CIB2: variants seen among roughly 807,000 people sequenced by gnomAD.
CIB2 encodes the protein calcium and integrin-binding family member 2.
CIB2 carries 19 observed loss-of-function variants against 23.1 expected under a neutral mutation model. The ratio of observed to expected loss-of-function variants is 0.82; its 90% CI spans 0.57 to 1.21. The LOEUF (loss-of-function observed/expected upper bound fraction) is 1.21, where lower values mean the gene tolerates loss of function less well. Ranked by LOEUF, CIB2 falls within the 50% of genes most tolerant of loss-of-function variation. CIB2 has a pLI of 0.00. For missense variants in CIB2, 220 were observed against 241.5 expected (o/e 0.91, Z 0.59); for synonymous variants, 94 against 91.7 (o/e 1.03, Z -0.14).
At chr15:78,109,159 G>T in intron 4 of CIB2, 76 bp downstream of exon 4, 1 of 1,513,840 alleles carries the variant, frequency 6.6e-7, no homozygotes, top group Non-Finnish European at 9.0e-7. Flanking sequence ...GCAGGAGCCA[G>T]TAGTAACCAG....
chr15:78,114,371 T>C (rs2074207466), intron 2 of CIB2, among the ~76,000 whole-genome samples: 1 of 152,142 alleles, frequency 6.6e-6, no homozygotes, highest in African/African-American at 2.4e-5. Flanking sequence ...TGAAAGAAAC[T>C]CTAAGCATTG....
intron 2 of CIB2, among the ~76,000 whole-genome samples, chr15:78,120,047 C>T (rs182882030): frequency 1.3e-5 from 2 of 151,954 alleles, no homozygotes; most frequent in Non-Finnish European, 2.9e-5. Flanking sequence ...ACTACAGGCA[C>T]ACACCACCAG....
chr15:78,123,391 CAAATGGGGAT>C (rs557333307), intron 2 of CIB2, among the ~76,000 whole-genome samples: 362 of 152,258 alleles, frequency 2.4e-3, no homozygotes, highest in African/African-American at 7.8e-3. Context: ...CTCCATCTGT[CAAATGGGGAT>C]AAATGGATTC....
rs150456070 is a variant in CIB2 at position 78,114,985 on chromosome 15, T to C, written c.87-3709A>G. On this transcript the variant is annotated intron_variant, in intron 2 of 5. Transcript: ENST00000258930. Reference sequence around the variant, plus strand: ...TTAAAAGAATAATATGTTAGGATCATGTAGGATTTATTCCAGAATGCAAAG... The same window carrying C: ...TTAAAAGAATAATATGTTAGGATCACGTAGGATTTATTCCAGAATGCAAAG... Among the ~76,000 whole-genome samples the C allele has an allele frequency of 9.0e-3, 1,364 of 152,188 alleles. 20 individuals carry two copies. The highest frequency in any genetic ancestry group is 0.011 in the Non-Finnish European group (768 of 68,016).
intron 2 of CIB2, among the ~76,000 whole-genome samples, chr15:78,122,491 G>A (rs1431538809): frequency 1.3e-5 from 2 of 152,214 alleles, no homozygotes; most frequent in African/African-American, 4.8e-5. Context: ...AGGGGTGACA[G>A]CTTTGTTATT....
chr15:78,129,942 C>T (rs745603431), intron 1 of CIB2, among the ~76,000 whole-genome samples: 55 of 152,202 alleles, frequency 3.6e-4, no homozygotes, highest in Non-Finnish European at 7.1e-4. Flanking sequence ...ATAAATGCGT[C>T]TCCCCTCTTC....
chr15:78,111,825 C>T (rs1442623487), intron 2 of CIB2, among the ~76,000 whole-genome samples: 1 of 152,184 alleles, frequency 6.6e-6, no homozygotes, highest in African/African-American at 2.4e-5. Flanking sequence ...GCCACTCTTC[C>T]CCCTTACACT....
chr15:78,104,988 G>A lies in CIB2; in HGVS notation c.*323C>T, dbSNP rs1398830080. The A allele has an allele frequency of 7.8e-5, 28 of 357,726 alleles. No homozygotes were observed. Among genetic ancestry groups the A allele is most frequent in the African/African-American group, 5.9e-4 (24 of 40,882 alleles). The allele number at this position is 357,726 out of a possible 1,614,324, so 22.2% of individuals were successfully genotyped here. The stretch of plus-strand genomic sequence containing the variant: ...ACGTCAGACCCCACCACCTCCTGTT[G>A]GGTTATCTGCTTTTCCCTCTTTGGG... On this transcript the variant is annotated 3_prime_UTR_variant, in exon 6 of 6. Coordinates refer to ENST00000258930, the MANE Select transcript of CIB2 (RefSeq NM_006383.4). The surrounding 1 kb of genome is among the most constrained non-coding windows in gnomAD (Gnocchi z 4.4).
intron 1 of CIB2, among the ~76,000 whole-genome samples, chr15:78,130,832 T>C (rs2074443620): frequency 6.6e-6 from 1 of 152,078 alleles, no homozygotes; most frequent in African/African-American, 2.4e-5. Flanking sequence ...CGGTCCTCCG[T>C]CCAGCCTAGT....
At chr15:78,126,543 A>T (rs1449410089) in intron 1 of CIB2, among the ~76,000 whole-genome samples, 1 of 152,160 alleles carries the variant, frequency 6.6e-6, no homozygotes, top group Non-Finnish European at 1.5e-5. Flanking sequence ...ACTGCCTATG[A>T]CTACAAACAG....
At chr15:78,109,583 G>A (rs914838151) in intron 3 of CIB2, 2 of 629,036 alleles carry the variant, frequency 3.2e-6, no homozygotes, top group African/African-American at 3.7e-5. Flanking sequence ...AGTATGTAAG[G>A]TGTTGGTACC....
chr15:78,114,806 G>C (rs2074213931), intron 2 of CIB2, among the ~76,000 whole-genome samples: 1 of 151,604 alleles, frequency 6.6e-6, no homozygotes, highest in Non-Finnish European at 1.5e-5. Context: ...AAATTAGGTG[G>C]ATGTGGTGAT....
upstream of CIB2, chr15:78,131,453 C>T (rs541211286): frequency 2.0e-3 from 353 of 173,982 alleles, no homozygotes; most frequent in African/African-American, 8.3e-3. This position sits in a 1 kb window ranked among gnomAD's most constrained non-coding sequence, Gnocchi z 5.8. Flanking sequence ...GAGGGCGGGG[C>T]ACCCGGCTCC....
rs2074044900 is a variant in CIB2, at chr15:78,105,077, G to C, written c.*234C>G. ...CATGGGGCGGGGTGCGGAGGGCCTG[G>C]AGAGAGGCCATGGGTCCCGGGGCTG... On this transcript the variant is annotated 3_prime_UTR_variant, in exon 6 of 6. Transcript: ENST00000258930. The C allele has an allele frequency of 1.1e-5, 6 of 565,992 alleles. No homozygotes were observed. Among genetic ancestry groups the C allele is most frequent in the South Asian group, 2.1e-5 (1 of 48,704 alleles). The allele number at this position is 565,992 out of a possible 1,614,324, so 35.1% of individuals were successfully genotyped here.
At chr15:78,121,438 GC>G (rs1310203038) in intron 2 of CIB2, among the ~76,000 whole-genome samples, 3 of 152,210 alleles carry the variant, frequency 2.0e-5, no homozygotes, top group East Asian at 1.9e-4. Context: ...TTTCCAAGGG[GC>G]CAGGGATACC....
chr15:78,129,011 T>C (rs1199837580), intron 1 of CIB2, among the ~76,000 whole-genome samples: 2 of 152,032 alleles, frequency 1.3e-5, no homozygotes, highest in South Asian at 2.1e-4. Context: ...GTTTTGGAGT[T>C]TGAGGGGTCT....
At chr15:78,114,144 CT>C (rs1364309942) in intron 2 of CIB2, among the ~76,000 whole-genome samples, 8 of 152,216 alleles carry the variant, frequency 5.3e-5, no homozygotes, top group Admixed American at 3.9e-4. Flanking sequence ...CAACTGGCAG[CT>C]TTTAGCATGC....
chr15:78,108,201 C>CAAA (rs5813898), intron 4 of CIB2, among the ~76,000 whole-genome samples: 1 of 105,496 alleles, frequency 9.5e-6, no homozygotes, highest in South Asian at 3.1e-4. Flanking sequence ...GACTCTGTCT[C>CAAA]AAAAAAAAAA....
chr15:78,126,150 CT>C (rs370337737), intron 1 of CIB2, among the ~76,000 whole-genome samples: 34 of 138,974 alleles, frequency 2.4e-4, no homozygotes, highest in African/African-American at 2.9e-4. Flanking sequence ...GCCCCCCCCC[CT>C]TTTTTTTTTG....
Sources: gnomAD v4.1 joint callset for allele counts (sites outside exome capture counted in the v4.1 genomes callset) on GRCh38, gnomAD v4.1.1 for gene constraint, Gnocchi (gnomAD v3.1) non-coding constraint, MANE v1.5 for transcripts, NCBI Gene and HGNC (gene_info 2026-07-23, HGNC 2026-07-21) for gene names.